Variants in FUT4 observed in about 807,000 individuals in gnomAD.
The protein encoded by FUT4 is fucosyltransferase 4, also known as alpha-(1,3)-fucosyltransferase 4.
FUT4 carries 1 observed loss-of-function variant against 3.8 expected under a neutral mutation model. The ratio of observed to expected loss-of-function variants is 0.26; its 90% CI spans 0.09 to 1.25. The LOEUF is 1.25. FUT4 is among the 50% of genes most tolerant of loss of function. The probability of loss-of-function intolerance (pLI) is 0.47; values close to 1 mark genes in which losing one functional copy is unlikely to be tolerated. For synonymous variants in FUT4, 417 were observed against 355.3 expected (o/e 1.17, Z -1.95); for missense variants, 880 against 768.2 (o/e 1.15, Z -1.72).
chr11:94,546,871 GT>G lies in FUT4; in HGVS notation c.*1150del. ...TGGCAGTTTTTGTTTATCTCTGACA[GT>G]TTTTAGTTAAATGTTTAGATCCTCA... On this transcript the variant is annotated 3_prime_UTR_variant, in exon 1 of 1. Transcript: ENST00000358752. 1 of 167,168 alleles carries G rather than the reference GT, an allele frequency of 6.0e-6. No individual in the cohort carries two copies. Among genetic ancestry groups the G allele is most frequent in the Non-Finnish European group, 1.5e-5 (1 of 68,110 alleles). The allele number at this position is 167,168 out of a possible 1,614,324, so 10.4% of individuals were successfully genotyped here.
rs1055691063 is a variant in FUT4, at chr11:94,548,826, A to G, written c.*3100A>G. ...ACTCTAATTACATGAATGCACCTGG[A>G]ATGACATTTGTAACAGAAGACGGTC... On this transcript the variant is annotated 3_prime_UTR_variant, in exon 1 of 1. Coordinates refer to ENST00000358752, the MANE Select transcript of FUT4 (RefSeq NM_002033.4). 1.4e-4 allele frequency: 23 copies of G among 167,124 alleles called. No homozygotes were observed. Among genetic ancestry groups the G allele is most frequent in the Admixed American group, 1.2e-3 (18 of 15,300 alleles). The allele number at this position is 167,124 out of a possible 1,614,324, so 10.4% of individuals were successfully genotyped here. A position where few individuals can be genotyped will look rare whatever the true frequency, so the allele number is the denominator to read the frequency against.
At position 94,545,096 on chromosome 11, in the gene FUT4, G is replaced by C. The variant is rs1050136841; in HGVS notation, c.963G>C (p.Arg321=). Residue 321 remains arginine, a synonymous_variant, in exon 1 of 1, where the codon CGG becomes CGC. Transcript: ENST00000358752. ...SNLFNWTLSY[R]ADSDVFVPYG... Reference sequence around the variant, plus strand: ...TCTTCAACTGGACGCTCTCCTACCGGGCGGACTCGGACGTCTTTGTGCCTT... The same window carrying C: ...TCTTCAACTGGACGCTCTCCTACCGCGCGGACTCGGACGTCTTTGTGCCTT... 6.2e-7 allele frequency: 1 copy of C among 1,612,698 alleles called. No individual in the cohort carries two copies. The highest frequency in any genetic ancestry group is 1.6e-4 in the Middle Eastern group (1 of 6,062).
rs1170830138 is a variant in FUT4 at position 94,548,956 on chromosome 11, A to T, written c.*3230A>T. 1 of 167,014 alleles carries T rather than the reference A, an allele frequency of 6.0e-6. No homozygotes were observed. 10.3% of individuals were successfully genotyped at this position (167,014 alleles called of 1,614,324 possible). ...TTCATGTAAAGAGCATGCAGTTTGGAGTCAGAACCTGGGTATGACTCTGTG... is the reference window on the plus strand; with the variant it reads ...TTCATGTAAAGAGCATGCAGTTTGGTGTCAGAACCTGGGTATGACTCTGTG... On this transcript the variant is annotated 3_prime_UTR_variant, in exon 1 of 1. Coordinates refer to ENST00000358752, the MANE Select transcript of FUT4 (RefSeq NM_002033.4).
At position 94,548,541 on chromosome 11, in the gene FUT4, C is replaced by T; in HGVS notation, c.*2815C>T. 6.0e-6 allele frequency: 1 copy of T among 166,676 alleles called. No homozygotes were observed. 10.3% of individuals were successfully genotyped at this position (166,676 alleles called of 1,614,324 possible). Reference sequence around the variant, plus strand: ...ACAGGTGTGAGCCGCCGTGCCCAGCCATTGCATTTTTATTCACATACACAT... The same window carrying T: ...ACAGGTGTGAGCCGCCGTGCCCAGCTATTGCATTTTTATTCACATACACAT... On this transcript the variant is annotated 3_prime_UTR_variant, in exon 1 of 1. Coordinates refer to ENST00000358752, the MANE Select transcript of FUT4 (RefSeq NM_002033.4).
chr11:94,544,127 G>A lies in FUT4; in HGVS notation c.-7G>A. ...CGGATCAGTTGAGAGAGAATCAAGA[G>A]TAGCGGATGAGGCGCTTGTGGGGCG... On this transcript the variant is annotated 5_prime_UTR_variant, in exon 1 of 1. Transcript: ENST00000358752. 7.2e-7 allele frequency: 1 copy of A among 1,386,296 alleles called. No individual in the cohort carries two copies. The highest frequency in any genetic ancestry group is 9.3e-7 in the Non-Finnish European group (1 of 1,071,794). 85.9% of individuals were successfully genotyped at this position (1,386,296 alleles called of 1,614,324 possible).
chr11:94,545,571 G>T lies in FUT4; in HGVS notation c.1438G>T (p.Ala480Ser). 6.2e-7 allele frequency: 1 copy of T among 1,613,490 alleles called. No individual in the cohort carries two copies. The highest frequency in any genetic ancestry group is 2.2e-5 in the East Asian group (1 of 44,864). The stretch of plus-strand genomic sequence containing the variant: ...CCTGCTTTTCCTCGACCGCAACCCC[G>T]CGGTCTATCGCCGCTACTTCCACTG... ...SYLLFLDRNPAVYRRYFHWRR... is the reference protein window; with the variant it reads ...SYLLFLDRNPSVYRRYFHWRR... The change falls in exon 1 of 1, where the codon GCG becomes TCG. Residue 480 changes from alanine (A) to serine (S), a missense_variant. Transcript: ENST00000358752.
rs1223612652 is a variant in FUT4 at position 94,547,350 on chromosome 11, C to T, written c.*1624C>T. The T allele has an allele frequency of 6.0e-6, 1 of 166,914 alleles. No homozygotes were observed. Among genetic ancestry groups the T allele is most frequent in the African/African-American group, 2.4e-5 (1 of 41,420 alleles). The allele number at this position is 166,914 out of a possible 1,614,324, so 10.3% of individuals were successfully genotyped here. A position where few individuals can be genotyped will look rare whatever the true frequency, so the allele number is the denominator to read the frequency against. On this transcript the variant is annotated 3_prime_UTR_variant, in exon 1 of 1. Coordinates refer to ENST00000358752, the MANE Select transcript of FUT4 (RefSeq NM_002033.4). The stretch of plus-strand genomic sequence containing the variant: ...AGCCTGAAATAATGGGAGTTTTCTC[C>T]TCCACTTATTAGAATAAGGACCCTC...
Position 94,546,047 on chromosome 11 carries a change from CG to C in FUT4, c.*323del. The C allele has an allele frequency of 2.3e-6, 1 of 434,310 alleles. No individual in the cohort carries two copies. The allele number at this position is 434,310 out of a possible 1,614,324, so 26.9% of individuals were successfully genotyped here. A position where few individuals can be genotyped will look rare whatever the true frequency, so the allele number is the denominator to read the frequency against. ...GCTTAGCGGCAAGAAGCCGTTGAGG[CG>C]GTTTCCTGAATTTCCCCATCTGCCA... On this transcript the variant is annotated 3_prime_UTR_variant, in exon 1 of 1. Transcript: ENST00000358752.
In FUT4 at chr11:94,544,398, A is replaced by G; in HGVS notation, c.265A>G (p.Ser89Gly). 1 of 1,533,634 alleles carries G rather than the reference A, an allele frequency of 6.5e-7. No homozygotes were observed. Among genetic ancestry groups the G allele is most frequent in the Non-Finnish European group, 8.7e-7 (1 of 1,148,168 alleles). The change falls in exon 1 of 1, where the codon AGC (serine) becomes GGC (glycine). Residue 89 changes from serine (S) to glycine (G), a missense_variant. Ser to Gly is a moderately conservative substitution (Grantham distance 56). This residue lies in a region of FUT4 where 447 missense variants were observed against 339.5 expected (regional missense o/e 1.32). Transcript: ENST00000358752. ...SGTAPFHSRA[S>G]GERQRRLEPQ... is the part of the protein sequence containing the mutation. ...GACCGCCCCCTTCCATTCCCGGGCCAGCGGCGAGCGGCAGCGACGGCTGGA... is the reference window on the plus strand; with the variant it reads ...GACCGCCCCCTTCCATTCCCGGGCCGGCGGCGAGCGGCAGCGACGGCTGGA...
Position 94,548,868 on chromosome 11 carries a change from T to C in FUT4, c.*3142T>C, listed in dbSNP as rs1947895793. ...AAGACGGTCTGACTTGCTTTCAGTA[T>C]TCACAAGTTCTTTCCAGTTTCCAAG... On this transcript the variant is annotated 3_prime_UTR_variant, in exon 1 of 1. Transcript: ENST00000358752. The C allele has an allele frequency of 6.0e-6, 1 of 167,046 alleles. No individual in the cohort carries two copies. Among genetic ancestry groups the C allele is most frequent in the Admixed American group, 6.5e-5 (1 of 15,288 alleles). 10.3% of individuals were successfully genotyped at this position (167,046 alleles called of 1,614,324 possible). A position where few individuals can be genotyped will look rare whatever the true frequency, so the allele number is the denominator to read the frequency against.
Position 94,544,079 on chromosome 11 carries a change from G to C in FUT4, c.-55G>C. The C allele has an allele frequency of 7.3e-7, 1 of 1,361,536 alleles. No individual in the cohort carries two copies. Among genetic ancestry groups the C allele is most frequent in the Non-Finnish European group, 9.5e-7 (1 of 1,056,528 alleles). 84.3% of individuals were successfully genotyped at this position (1,361,536 alleles called of 1,614,324 possible). A position where few individuals can be genotyped will look rare whatever the true frequency, so the allele number is the denominator to read the frequency against. The stretch of plus-strand genomic sequence containing the variant: ...GGCCACAGTGAGCGAGGGCCAGGGC[G>C]GTGGGCGCGCGCAGAGGGAAACCGG... On this transcript the variant is annotated 5_prime_UTR_variant, in exon 1 of 1. Coordinates refer to ENST00000358752, the MANE Select transcript of FUT4 (RefSeq NM_002033.4).
chr11:94,545,047 G>C lies in FUT4; in HGVS notation c.914G>C (p.Gly305Ala). 6.2e-7 allele frequency: 1 copy of C among 1,612,284 alleles called. No homozygotes were observed. Among genetic ancestry groups the C allele is most frequent in the Non-Finnish European group, 8.5e-7 (1 of 1,179,544 alleles). The change falls in exon 1 of 1, where the codon GGG becomes GCG. Residue 305 changes from glycine to alanine, a missense_variant. This residue lies in a region of FUT4 where 424 missense variants were observed against 400.4 expected (regional missense o/e 1.06). Coordinates refer to ENST00000358752, the MANE Select transcript of FUT4 (RefSeq NM_002033.4). Reference sequence around the variant, plus strand: ...TTCGAGTCGCCCTCGCACTCCCCGGGGCTGCGAAGCCTGGCAAGTAACCTC... The same window carrying C: ...TTCGAGTCGCCCTCGCACTCCCCGGCGCTGCGAAGCCTGGCAAGTAACCTC... ...MNFESPSHSPGLRSLASNLFN... is the reference protein window; with the variant it reads ...MNFESPSHSPALRSLASNLFN...
chr11:94,544,387 A>G lies in FUT4; in HGVS notation c.254A>G (p.His85Arg), dbSNP rs908262496. 1.3e-6 allele frequency: 2 copies of G among 1,540,396 alleles called. No individual in the cohort carries two copies. The highest frequency in any genetic ancestry group is 1.4e-5 in the African/African-American group (1 of 71,078). ...TTGCATTCTGGGACCGCCCCCTTCCATTCCCGGGCCAGCGGCGAGCGGCAG... is the reference window on the plus strand; with the variant it reads ...TTGCATTCTGGGACCGCCCCCTTCCGTTCCCGGGCCAGCGGCGAGCGGCAG... ...RPLHSGTAPF[H>R]SRASGERQRR... Residue 85 changes from histidine to arginine, a missense_variant, in exon 1 of 1, where the codon CAT (histidine) becomes CGT (arginine). Physicochemically the swap from His to Arg is conservative, Grantham distance 29. Transcript: ENST00000358752.
In FUT4 at chr11:94,545,397, A is replaced by G; in HGVS notation, c.1264A>G (p.Ile422Val). The change falls in exon 1 of 1, where the codon ATC becomes GTC. Residue 422 changes from isoleucine (I) to valine (V), a missense_variant. This residue lies in a region of FUT4 where 424 missense variants were observed against 400.4 expected (regional missense o/e 1.06). Transcript: ENST00000358752. ...CGAGAACTCGCAGCACCTGGATTATATCACCGAGAAGCTCTGGCGCAACGC... is the reference window on the plus strand; with the variant it reads ...CGAGAACTCGCAGCACCTGGATTATGTCACCGAGAAGCTCTGGCGCAACGC... ...AFENSQHLDY[I>V]TEKLWRNALL... 6.2e-7 allele frequency: 1 copy of G among 1,612,888 alleles called. No individual in the cohort carries two copies. Among genetic ancestry groups the G allele is most frequent in the South Asian group, 1.1e-5 (1 of 91,046 alleles).
At position 94,544,279 on chromosome 11, in the gene FUT4, G is replaced by A. The variant is rs748721966; in HGVS notation, c.146G>A (p.Gly49Asp). The change falls in exon 1 of 1, where the codon GGT (glycine) becomes GAT (aspartate). Residue 49 changes from glycine (G) to aspartate (D), a missense_variant. Coordinates refer to ENST00000358752, the MANE Select transcript of FUT4 (RefSeq NM_002033.4). ...GGAAGAAAGGGACGGGCGGTGCCCG[G>A]TTGGGCGTCCTGGCCAGCTCACCTT... is the stretch of plus-strand genomic sequence containing the variant. ...RSGRKGRAVP[G>D]WASWPAHLAL... 1.3e-6 allele frequency: 2 copies of A among 1,550,290 alleles called. No homozygotes were observed. The highest frequency in any genetic ancestry group is 8.7e-7 in the Non-Finnish European group (1 of 1,153,950).
chr11:94,544,093 G>T lies in FUT4; in HGVS notation c.-41G>T. ...AGGGCCAGGGCGGTGGGCGCGCGCAGAGGGAAACCGGATCAGTTGAGAGAG... is the reference window on the plus strand; with the variant it reads ...AGGGCCAGGGCGGTGGGCGCGCGCATAGGGAAACCGGATCAGTTGAGAGAG... On this transcript the variant is annotated 5_prime_UTR_variant, in exon 1 of 1. It introduces an in-frame stop codon into an upstream open reading frame of the 5' UTR. Transcript: ENST00000358752. The T allele has an allele frequency of 1.5e-6, 2 of 1,363,542 alleles. No individual in the cohort carries two copies. Among genetic ancestry groups the T allele is most frequent in the East Asian group, 6.2e-5 (2 of 32,224 alleles). 84.5% of individuals were successfully genotyped at this position (1,363,542 alleles called of 1,614,324 possible).
rs151024645 is a variant in FUT4 at position 94,545,721 on chromosome 11, C to A, written c.1588C>A (p.Arg530=). The part of the protein sequence containing the change: ...SIRNLASWFE[R] Reference sequence around the variant, plus strand: ...ACGGAACTTGGCCAGCTGGTTCGAGCGGTGAAGCCGCGCTCCCCTGGAAGC... The same window carrying A: ...ACGGAACTTGGCCAGCTGGTTCGAGAGGTGAAGCCGCGCTCCCCTGGAAGC... The change falls in exon 1 of 1, where the codon CGG becomes AGG. Residue 530 remains arginine (R), a synonymous_variant. Coordinates refer to ENST00000358752, the MANE Select transcript of FUT4 (RefSeq NM_002033.4). 1 of 1,610,272 alleles carries A rather than the reference C, an allele frequency of 6.2e-7. No homozygotes were observed. Among genetic ancestry groups the A allele is most frequent in the African/African-American group, 1.3e-5 (1 of 75,008 alleles).
chr11:94,544,958 G>T lies in FUT4; in HGVS notation c.825G>T (p.Ala275=). 6.2e-7 allele frequency: 1 copy of T among 1,605,220 alleles called. No homozygotes were observed. The highest frequency in any genetic ancestry group is 1.7e-5 in the Admixed American group (1 of 59,180). ...LRVLDYEEAA[A]AAEALATSSP... ...TGTTGGACTACGAGGAGGCAGCGGCGGCGGCAGAAGCCCTGGCGACCTCCA... is the reference window on the plus strand; with the variant it reads ...TGTTGGACTACGAGGAGGCAGCGGCTGCGGCAGAAGCCCTGGCGACCTCCA... The change falls in exon 1 of 1, where the codon GCG becomes GCT. Residue 275 remains alanine, a synonymous_variant. Coordinates refer to ENST00000358752, the MANE Select transcript of FUT4 (RefSeq NM_002033.4).
rs758965093 is a variant in FUT4 at position 94,545,594 on chromosome 11, C to T, written c.1461C>T (p.His487=). The change falls in exon 1 of 1, where the codon CAC becomes CAT. Residue 487 remains histidine, a synonymous_variant. Transcript: ENST00000358752. ...RNPAVYRRYF[H]WRRSYAVHIT... Reference sequence around the variant, plus strand: ...CCGCGGTCTATCGCCGCTACTTCCACTGGCGCCGGAGCTACGCTGTCCACA... The same window carrying T: ...CCGCGGTCTATCGCCGCTACTTCCATTGGCGCCGGAGCTACGCTGTCCACA... 6.2e-7 allele frequency: 1 copy of T among 1,613,564 alleles called. No homozygotes were observed. The highest frequency in any genetic ancestry group is 1.1e-5 in the South Asian group (1 of 91,092).
Sources: gnomAD v4.1 joint callset for allele counts on GRCh38, gnomAD v4.1.1 for gene constraint, gnomAD v4.1.1 regional missense constraint, MANE v1.5 for transcripts, NCBI Gene and HGNC (gene_info 2026-07-23, HGNC 2026-07-21) for gene names.